DGKI: variants seen among roughly 807,000 people sequenced by gnomAD.
DGKI encodes DAG kinase iota.
A neutral mutation model predicts 147.5 loss-of-function variants in DGKI; 55 were observed. That is an observed-to-expected ratio of 0.37 (90% CI 0.30 to 0.47). The LOEUF (loss-of-function observed/expected upper bound fraction) is 0.47. Ranked by LOEUF, DGKI falls within the 20% of genes least tolerant of loss-of-function variation. The pLI, the probability that DGKI is intolerant of heterozygous loss-of-function variation, is 1.00. For missense variants in DGKI, 1,007 were observed against 1,323.8 expected (o/e 0.76, Z 3.71); for synonymous variants, 469 against 477.1 (o/e 0.98, Z 0.22).
intron 10 of DGKI, among the ~76,000 whole-genome samples, chr7:137,604,356 G>A (rs575349150): frequency 6.6e-6 from 1 of 152,286 alleles, no homozygotes; most frequent in South Asian, 2.1e-4. Flanking sequence ...AAAGTTGCTT[G>A]TCCAATTATT....
chr7:137,426,666 A>G (rs1812820062), intron 28 of DGKI, among the ~76,000 whole-genome samples: 1 of 152,108 alleles, frequency 6.6e-6, no homozygotes, highest in African/African-American at 2.4e-5. Flanking sequence ...TCTCATGTGC[A>G]GTGACACACA....
intron 1 of DGKI, among the ~76,000 whole-genome samples, chr7:137,829,325 C>G (rs1245622611): frequency 1.3e-5 from 2 of 152,240 alleles, no homozygotes; most frequent in African/African-American, 2.4e-5. Context: ...CTCTCTCCTT[C>G]CTAGTTACAC....
chr7:137,592,567 G>A (rs1198347667), intron 12 of DGKI, among the ~76,000 whole-genome samples: 1 of 152,190 alleles, frequency 6.6e-6, no homozygotes, highest in Non-Finnish European at 1.5e-5. Flanking sequence ...GCTGAAGGGT[G>A]GAGATGACAG....
intron 20 of DGKI, among the ~76,000 whole-genome samples, chr7:137,543,372 A>C (rs560307315): frequency 3.0e-4 from 46 of 152,330 alleles, no homozygotes; most frequent in African/African-American, 1.1e-3. Context: ...ATCAATTCAT[A>C]TGTTGTCATA....
chr7:137,441,072 C>T (rs893050610), intron 28 of DGKI, among the ~76,000 whole-genome samples: 3 of 152,170 alleles, frequency 2.0e-5, no homozygotes. Context: ...CTTGTGCTTC[C>T]TCTTCTACTG....
rs1811270438 is a variant in DGKI at position 137,389,161 on chromosome 7, A to T, written c.*2059T>A. On this transcript the variant is annotated 3_prime_UTR_variant, in exon 33 of 33. Coordinates refer to ENST00000614521, the MANE Select transcript of DGKI (RefSeq NM_001321708.2). The stretch of plus-strand genomic sequence containing the variant: ...TCCTTGACAGTCCCGCCAACTAAAA[A>T]TCCCCCAGCAAAAGCCCAGTGATTA... 6.6e-6 allele frequency: 1 copy of T among 152,140 alleles called. No homozygotes were observed. The highest frequency in any genetic ancestry group is 1.5e-5 in the Non-Finnish European group (1 of 68,020). The allele number at this position is 152,140 out of a possible 1,614,324, so 9.4% of individuals were successfully genotyped here.
chr7:137,758,378 ACTT>A (rs1436873089), intron 1 of DGKI, among the ~76,000 whole-genome samples: 2 of 152,146 alleles, frequency 1.3e-5, no homozygotes, highest in African/African-American at 2.4e-5. Flanking sequence ...CTTGTGATAC[ACTT>A]TATATTAAAA....
At chr7:137,785,272 C>G (rs1421430243) in intron 1 of DGKI, among the ~76,000 whole-genome samples, 2 of 151,892 alleles carry the variant, frequency 1.3e-5, no homozygotes, top group Non-Finnish European at 2.9e-5. Context: ...CAAATAAGCT[C>G]AATTAGAAAC....
chr7:137,467,750 G>A (rs572715911), intron 24 of DGKI, among the ~76,000 whole-genome samples: 7 of 152,252 alleles, frequency 4.6e-5, no homozygotes, highest in South Asian at 2.1e-4. Flanking sequence ...GGAAGCTCAG[G>A]TGGGAGAAGT....
chr7:137,757,836 A>G (rs1795734501), intron 1 of DGKI, among the ~76,000 whole-genome samples: 1 of 152,242 alleles, frequency 6.6e-6, no homozygotes, highest in South Asian at 2.1e-4. Flanking sequence ...GAGAAGAACA[A>G]GATAACTATA....
chr7:137,465,790 A>T, intron 26 of DGKI, 118 bp downstream of exon 26: 1 of 1,367,488 alleles, frequency 7.3e-7, no homozygotes, highest in Non-Finnish European at 9.8e-7. Flanking sequence ...GAAACACAAC[A>T]AGAAAATCTA....
At chr7:137,836,280 G>A (rs1367133210) in intron 1 of DGKI, among the ~76,000 whole-genome samples, 6 of 152,140 alleles carry the variant, frequency 3.9e-5, no homozygotes. Context: ...TTCTTCAAAT[G>A]AGAAAGAATG....
At chr7:137,499,092 A>C (rs981748834) in intron 21 of DGKI, among the ~76,000 whole-genome samples, 1 of 152,168 alleles carries the variant, frequency 6.6e-6, no homozygotes, top group Admixed American at 6.5e-5. Flanking sequence ...CCTTTTCTTT[A>C]CACAGGGGGA....
chr7:137,622,006 C>T (rs1327311588), intron 7 of DGKI, among the ~76,000 whole-genome samples: 1 of 152,184 alleles, frequency 6.6e-6, no homozygotes, highest in Non-Finnish European at 1.5e-5. Flanking sequence ...CATTCAATAA[C>T]TAGGATGGCC....
chr7:137,779,394 A>G (rs1050147574), intron 1 of DGKI, among the ~76,000 whole-genome samples: 1 of 152,220 alleles, frequency 6.6e-6, no homozygotes, highest in Non-Finnish European at 1.5e-5. Context: ...AATTTTTAGA[A>G]GAAAACAGAA....
intron 1 of DGKI, among the ~76,000 whole-genome samples, chr7:137,825,685 TACAC>T (rs547568451): frequency 6.7e-6 from 1 of 149,078 alleles, no homozygotes; most frequent in Admixed American, 6.7e-5. Context: ...CACACACACA[TACAC>T]ACACACATAC....
At chr7:137,741,824 G>A (rs932931864) in intron 1 of DGKI, among the ~76,000 whole-genome samples, 1 of 152,160 alleles carries the variant, frequency 6.6e-6, no homozygotes, top group Non-Finnish European at 1.5e-5. Flanking sequence ...ATGGTCAACA[G>A]TCAACAAGAA....
At chr7:137,564,518 A>G (rs1818517293) in intron 19 of DGKI, among the ~76,000 whole-genome samples, 1 of 152,186 alleles carries the variant, frequency 6.6e-6, no homozygotes, top group Non-Finnish European at 1.5e-5. Flanking sequence ...CTATTTCAAC[A>G]ATAAATGATA....
intron 20 of DGKI, among the ~76,000 whole-genome samples, chr7:137,524,628 T>C (rs1817078261): frequency 6.6e-6 from 1 of 152,110 alleles, no homozygotes. Flanking sequence ...GCAAAGACTG[T>C]AATTAGAAAA....
Sources: gnomAD v4.1 joint callset for allele counts (sites outside exome capture counted in the v4.1 genomes callset) on GRCh38, gnomAD v4.1.1 for gene constraint, MANE v1.5 for transcripts, NCBI Gene and HGNC (gene_info 2026-07-23, HGNC 2026-07-21) for gene names.